FBXO11: variants seen among roughly 807,000 people sequenced by gnomAD.
FBXO11 encodes F-box protein 11.
In FBXO11, 13 loss-of-function variants were observed where a neutral mutation model predicts 117.0. That is an observed-to-expected ratio of 0.11 (90% confidence interval 0.07 to 0.18). The LOEUF is 0.18. Ranked by LOEUF, FBXO11 falls within the 10% of genes least tolerant of loss-of-function variation. FBXO11 has a pLI of 1.00. For synonymous variants in FBXO11, 490 were observed against 380.5 expected, an observed-to-expected ratio of 1.29 and a Z score of -3.35; for missense variants, 767 against 1,164.4, an observed-to-expected ratio of 0.66 and a Z score of 4.97.
At chr2:47,887,820 T>A (rs1676977433) in intron 1 of FBXO11, among the ~76,000 whole-genome samples, 1 of 152,226 alleles carries the variant, frequency 6.6e-6, no homozygotes, top group African/African-American at 2.4e-5. Context: ...GAGATTGTGC[T>A]ATTGCATTCC....
chr2:47,894,216 A>AG (rs1483035027), intron 1 of FBXO11, among the ~76,000 whole-genome samples: 3 of 151,816 alleles, frequency 2.0e-5, no homozygotes, highest in Non-Finnish European at 4.4e-5. Context: ...CCTATACACC[A>AG]GGAACGGAAA....
intron 1 of FBXO11, chr2:47,884,057 T>C (rs6739262): frequency 0.18 from 27,476 of 152,030 alleles, 2,597 homozygotes; most frequent in South Asian, 0.27. Flanking sequence ...CCATCTCTAC[T>C]AAAAATAAAA....
At chr2:47,810,737 G>C (rs2104636564) in intron 18 of FBXO11, 1 of 216,192 alleles carries the variant, frequency 4.6e-6, no homozygotes, top group East Asian at 1.0e-4. Flanking sequence ...GAGTATTGCT[G>C]AATTAAAGCT....
At chr2:47,870,487 G>GA (rs1558459920) in intron 1 of FBXO11, among the ~76,000 whole-genome samples, 1 of 152,266 alleles carries the variant, frequency 6.6e-6, no homozygotes, top group African/African-American at 2.4e-5. Flanking sequence ...ATAAAAAGAG[G>GA]AAAGTGCCAA....
chr2:47,817,565 T>C (rs551651350), intron 16 of FBXO11, among the ~76,000 whole-genome samples: 2 of 152,378 alleles, frequency 1.3e-5, no homozygotes, highest in East Asian at 1.9e-4. Context: ...ATTCAGCCTT[T>C]AGACATACTT....
At chr2:47,852,161 TG>T (rs1673917326) in intron 1 of FBXO11, among the ~76,000 whole-genome samples, 1 of 152,112 alleles carries the variant, frequency 6.6e-6, no homozygotes, top group Non-Finnish European at 1.5e-5. Flanking sequence ...GGCTAATTTT[TG>T]TATTTTTAGT....
intron 1 of FBXO11, among the ~76,000 whole-genome samples, chr2:47,885,616 C>T (rs1221658313): frequency 6.6e-6 from 1 of 152,036 alleles, no homozygotes; most frequent in East Asian, 1.9e-4. Context: ...ATGAGTTTGT[C>T]TAAGGAAGAA....
intron 14 of FBXO11, among the ~76,000 whole-genome samples, chr2:47,819,787 C>T (rs1446171700): frequency 6.6e-6 from 1 of 152,102 alleles, no homozygotes; most frequent in African/African-American, 2.4e-5. Flanking sequence ...TAGCAGGTAA[C>T]TGAGGACATG....
intron 1 of FBXO11, among the ~76,000 whole-genome samples, chr2:47,869,580 T>C (rs1042938574): frequency 4.6e-5 from 7 of 152,102 alleles, no homozygotes; most frequent in African/African-American, 1.4e-4. Flanking sequence ...GGAATGAAGG[T>C]TTGGGTTATC....
At chr2:47,855,097 A>G (rs573782201) in intron 1 of FBXO11, among the ~76,000 whole-genome samples, 1 of 152,124 alleles carries the variant, frequency 6.6e-6, no homozygotes, top group Admixed American at 6.5e-5. Context: ...AGATCACTAT[A>G]TCATTTTTAG....
chr2:47,838,295 A>G (rs1193833413), intron 4 of FBXO11, among the ~76,000 whole-genome samples: 1 of 152,096 alleles, frequency 6.6e-6, no homozygotes, highest in East Asian at 1.9e-4. Flanking sequence ...ACAACTCTCC[A>G]AGTACACATT....
At chr2:47,815,933 C>T (rs1670973949) in intron 16 of FBXO11, among the ~76,000 whole-genome samples, 1 of 152,178 alleles carries the variant, frequency 6.6e-6, no homozygotes, top group Non-Finnish European at 1.5e-5. Context: ...CCTTTTGAAG[C>T]CATGCATGGC....
At chr2:47,838,357 A>G (rs1387935751) in intron 4 of FBXO11, among the ~76,000 whole-genome samples, 1 of 152,214 alleles carries the variant, frequency 6.6e-6, no homozygotes, top group Admixed American at 6.5e-5. Flanking sequence ...GATTATTTAT[A>G]ATTTTTCTCA....
chr2:47,896,761 T>C (rs1677699502), intron 1 of FBXO11, among the ~76,000 whole-genome samples: 2 of 152,246 alleles, frequency 1.3e-5, no homozygotes, highest in Admixed American at 1.3e-4. Context: ...CATTCATATG[T>C]AAGTGTGAAG....
chr2:47,885,143 AAC>A (rs781110242), intron 1 of FBXO11, among the ~76,000 whole-genome samples: 31 of 152,348 alleles, frequency 2.0e-4, no homozygotes, highest in Non-Finnish European at 3.5e-4. Flanking sequence ...AATGACAGCA[AAC>A]ACCTGAGGCT....
chr2:47,902,382 C>A (rs949296461), intron 1 of FBXO11, among the ~76,000 whole-genome samples: 1 of 152,128 alleles, frequency 6.6e-6, no homozygotes, highest in Admixed American at 6.5e-5. Flanking sequence ...ATACCCAGAC[C>A]AATATTTCCT....
intron 4 of FBXO11, among the ~76,000 whole-genome samples, chr2:47,838,043 G>C (rs988412685): frequency 7.1e-6 from 1 of 140,664 alleles, no homozygotes; most frequent in Admixed American, 7.6e-5. Flanking sequence ...CTGAGTAACA[G>C]AGTGAGACCC....
At chr2:47,890,170 G>T (rs1046771025) in intron 1 of FBXO11, among the ~76,000 whole-genome samples, 3 of 151,998 alleles carry the variant, frequency 2.0e-5, no homozygotes. Context: ...GTCTCAGTAT[G>T]TTGGTAGGCT....
At chr2:47,899,206 G>A (rs1257524228) in intron 1 of FBXO11, among the ~76,000 whole-genome samples, 1 of 151,082 alleles carries the variant, frequency 6.6e-6, no homozygotes. Flanking sequence ...CCCGGGAGGC[G>A]GAGCTTGCGG....
Sources: gnomAD v4.1 joint callset for allele counts (sites outside exome capture counted in the v4.1 genomes callset) on GRCh38, gnomAD v4.1.1 for gene constraint, MANE v1.5 for transcripts, NCBI Gene and HGNC (gene_info 2026-07-23, HGNC 2026-07-21) for gene names.